AFG2A: variants seen among roughly 807,000 people sequenced by gnomAD.
AFG2A encodes AAA ATPase AFG2A.
chr4:123,256,066 G>A, the AFG2A span: 15 of 1,613,812 alleles, frequency 9.3e-6, no homozygotes, highest in Middle Eastern at 1.6e-4. Flanking sequence ...TGCCTTTACC[G>A]GATGCAGCAA....
At chr4:123,121,267 A>T in the AFG2A span, among the ~76,000 whole-genome samples, 5,489 of 151,352 alleles carry the variant, frequency 0.036, 330 homozygotes, top group African/African-American at 0.12. Flanking sequence ...AAAATAATAA[A>T]TAAAAAATTT....
the AFG2A span, among the ~76,000 whole-genome samples, chr4:123,070,115 A>G: frequency 6.6e-6 from 1 of 152,192 alleles, no homozygotes; most frequent in Non-Finnish European, 1.5e-5. Context: ...AAAATCTTCT[A>G]CCAGACATCA....
the AFG2A span, among the ~76,000 whole-genome samples, chr4:122,985,229 G>A: frequency 1.3e-5 from 2 of 151,308 alleles, no homozygotes; most frequent in African/African-American, 2.4e-5. Context: ...AGATTCAAGC[G>A]ATTCTCCTCC....
the AFG2A span, among the ~76,000 whole-genome samples, chr4:122,969,620 A>C: frequency 3.3e-5 from 5 of 152,310 alleles, no homozygotes; most frequent in East Asian, 9.6e-4. Flanking sequence ...CTCCCCACCC[A>C]GTAAACTGGC....
At chr4:122,966,514 C>A in the AFG2A span, among the ~76,000 whole-genome samples, 1 of 152,100 alleles carries the variant, frequency 6.6e-6, no homozygotes, top group African/African-American at 2.4e-5. Context: ...TATGCTGTTC[C>A]CCCTGCTTGG....
the AFG2A span, among the ~76,000 whole-genome samples, chr4:123,223,183 C>T: frequency 6.6e-6 from 1 of 152,192 alleles, no homozygotes; most frequent in East Asian, 1.9e-4. Flanking sequence ...AGTTTTTCCA[C>T]ATCCTCACCA....
At chr4:123,040,948 C>T in the AFG2A span, among the ~76,000 whole-genome samples, 1,858 of 152,148 alleles carry the variant, frequency 0.012, 41 homozygotes, top group African/African-American at 0.042. Context: ...ATCCAAAACA[C>T]TGTGCCAAGC....
At chr4:122,999,534 C>A in the AFG2A span, among the ~76,000 whole-genome samples, 1 of 152,044 alleles carries the variant, frequency 6.6e-6, no homozygotes, top group East Asian at 1.9e-4. Flanking sequence ...TATGGCTAGC[C>A]AGTTTTTCCA....
the AFG2A span, among the ~76,000 whole-genome samples, chr4:123,149,951 C>T: frequency 4.3e-4 from 65 of 151,852 alleles, 1 homozygote; most frequent in Admixed American, 2.8e-3. Context: ...GGACTACAGG[C>T]ACACGCCTGT....
chr4:123,035,694 T>C, the AFG2A span, among the ~76,000 whole-genome samples: 1 of 152,062 alleles, frequency 6.6e-6, no homozygotes, highest in Non-Finnish European at 1.5e-5. Context: ...TTTTTTTGAG[T>C]TGGGCTTTTA....
chr4:123,213,401 C>A, the AFG2A span, among the ~76,000 whole-genome samples: 1 of 152,128 alleles, frequency 6.6e-6, no homozygotes, highest in Non-Finnish European at 1.5e-5. Flanking sequence ...TAAGTTTAGA[C>A]TTCTTTTGAT....
the AFG2A span, among the ~76,000 whole-genome samples, chr4:123,049,786 A>C: frequency 3.3e-5 from 5 of 150,144 alleles, no homozygotes; most frequent in Non-Finnish European, 7.4e-5. Flanking sequence ...TCATTTGTTG[A>C]TCTTTTATTT....
the AFG2A span, among the ~76,000 whole-genome samples, chr4:123,060,834 A>G: frequency 6.6e-6 from 1 of 152,076 alleles, no homozygotes; most frequent in Non-Finnish European, 1.5e-5. Context: ...TTTCTACTGT[A>G]TCTTCAGGCT....
chr4:123,275,261 C>A, the AFG2A span, among the ~76,000 whole-genome samples: 1 of 152,044 alleles, frequency 6.6e-6, no homozygotes, highest in Non-Finnish European at 1.5e-5. Context: ...TGATGAGACC[C>A]CTGTAGGTGG....
the AFG2A span, among the ~76,000 whole-genome samples, chr4:123,208,621 T>G: frequency 6.6e-6 from 1 of 152,188 alleles, no homozygotes; most frequent in East Asian, 1.9e-4. Context: ...AGAAGTTTTG[T>G]CAAACTTTCC....
chr4:123,045,525 C>T, the AFG2A span, among the ~76,000 whole-genome samples: 2 of 152,016 alleles, frequency 1.3e-5, no homozygotes, highest in Non-Finnish European at 2.9e-5. Flanking sequence ...CTTTAGTGAC[C>T]TTGACATTTT....
At chr4:123,258,192 TA>T in the AFG2A span, among the ~76,000 whole-genome samples, 5 of 152,224 alleles carry the variant, frequency 3.3e-5, no homozygotes, top group Non-Finnish European at 7.3e-5. Flanking sequence ...AGCTACATCT[TA>T]GTAGTTCTGT....
chr4:123,098,062 G>T, the AFG2A span, among the ~76,000 whole-genome samples: 1 of 152,022 alleles, frequency 6.6e-6, no homozygotes, highest in Admixed American at 6.6e-5. Flanking sequence ...TACTGTAGTA[G>T]AGTAGTTACA....
the AFG2A span, among the ~76,000 whole-genome samples, chr4:123,107,024 C>G: frequency 2.0e-5 from 3 of 152,194 alleles, no homozygotes; most frequent in African/African-American, 7.2e-5. Flanking sequence ...GTACTGCACA[C>G]ATCTTCCACT....
Sources: allele counts gnomAD v4.1 joint callset (sites outside exome capture counted in the v4.1 genomes callset), GRCh38; gene constraint gnomAD v4.1.1; transcripts MANE v1.5; gene names NCBI Gene and HGNC (gene_info 2026-07-23, HGNC 2026-07-21).